NSF: variants seen among roughly 807,000 people sequenced by gnomAD.
NSF encodes vesicle-fusing ATPase.
A neutral mutation model predicts 50.3 loss-of-function variants in NSF; 14 were observed. That is an observed-to-expected ratio of 0.28 (90% CI 0.18 to 0.44). The LOEUF (loss-of-function observed/expected upper bound fraction) is 0.44. Ranked by LOEUF, NSF falls within the 20% of genes least tolerant of loss-of-function variation. The pLI is 1.00. For synonymous variants in NSF, 109 were observed against 175.7 expected (o/e 0.62, Z 3.00); for missense variants, 218 against 504.3 (o/e 0.43, Z 5.44).
chr17:46,687,490 C>T (rs1239199597), intron 9 of NSF, among the ~76,000 whole-genome samples: 2 of 144,826 alleles, frequency 1.4e-5, no homozygotes, highest in Non-Finnish European at 3.1e-5. Context: ...GTCAGTCTTC[C>T]ACCCTACATG....
intron 17 of NSF, among the ~76,000 whole-genome samples, chr17:46,740,897 G>C (rs755629972): frequency 6.6e-6 from 1 of 151,852 alleles, no homozygotes; most frequent in Non-Finnish European, 1.5e-5. Context: ...CCTGACCGTT[G>C]GTGATCTGCC....
chr17:46,690,611 C>CA lies in NSF; in HGVS notation c.946-2278dup, dbSNP rs771047574. Among the ~76,000 whole-genome samples, 470 of 91,802 alleles carry CA rather than the reference C, an allele frequency of 5.1e-3. 11 individuals carry two copies. The East Asian group carries it at 0.07, about 14-fold the overall frequency. The allele number at this position is 91,802 out of a possible 152,430, so 60.2% of individuals were successfully genotyped here. On this transcript the variant is annotated intron_variant, in intron 9 of 20. Coordinates refer to ENST00000398238, the MANE Select transcript of NSF (RefSeq NM_006178.4). Reference sequence around the variant, plus strand: ...TGGGCAACAGAGTGAGACTCCGTCTCAAAAAAAAAAAAAATATATATATAT... The same window carrying CA: ...TGGGCAACAGAGTGAGACTCCGTCTCAAAAAAAAAAAAAAATATATATATAT...
At chr17:46,711,919 A>G (rs199436) in intron 14 of NSF, among the ~76,000 whole-genome samples, 45,857 of 152,080 alleles carry the variant, frequency 0.3, 7,685 homozygotes, top group East Asian at 0.6. Context: ...AAGGGAGATT[A>G]TCCTGACATG....
intron 11 of NSF, 68 bp from the exon 12 acceptor site, chr17:46,694,407 A>G: frequency 9.0e-7 from 1 of 1,113,466 alleles, no homozygotes; most frequent in Non-Finnish European, 1.3e-6. Context: ...TAATAATAAT[A>G]ATGATAATCT....
chr17:46,713,703 G>A (rs2058740670), intron 14 of NSF, 150 bp from the exon 15 acceptor site: 1 of 682,572 alleles, frequency 1.5e-6, no homozygotes. Flanking sequence ...ATAAATAAGA[G>A]AAAACATGTC....
intron 17 of NSF, among the ~76,000 whole-genome samples, chr17:46,741,020 T>C (rs2059065663): frequency 1.3e-5 from 2 of 152,270 alleles, no homozygotes; most frequent in South Asian, 4.1e-4. Flanking sequence ...ATTGCTGATA[T>C]GGGGCTTGTG....
intron 15 of NSF, chr17:46,721,617 C>G (rs2058831422): frequency 6.3e-7 from 1 of 1,584,060 alleles, no homozygotes; most frequent in South Asian, 1.1e-5. Context: ...AAATTAACAT[C>G]CTTGCCCGTG....
At chr17:46,724,821 CT>C (rs1188029534) in intron 15 of NSF, among the ~76,000 whole-genome samples, 1 of 152,048 alleles carries the variant, frequency 6.6e-6, no homozygotes, top group East Asian at 1.9e-4. Context: ...ATCCTTAGGC[CT>C]TTTTTTCTTC....
At chr17:46,738,904 C>A (rs2059036952) in intron 17 of NSF, among the ~76,000 whole-genome samples, 2 of 152,162 alleles carry the variant, frequency 1.3e-5, no homozygotes, top group Non-Finnish European at 2.9e-5. Flanking sequence ...GACTTCTAGA[C>A]CAGCCTGGGC....
At chr17:46,749,223 A>C (rs969724897) in intron 17 of NSF, among the ~76,000 whole-genome samples, 1 of 152,260 alleles carries the variant, frequency 6.6e-6, no homozygotes, top group African/African-American at 2.4e-5. Flanking sequence ...CATAGTTTTT[A>C]AACTTTTTTT....
chr17:46,610,041 C>CTT lies in NSF; in HGVS notation c.13-14202_13-14201insTT, dbSNP rs1555666760. On this transcript the variant is annotated intron_variant, in intron 1 of 20. Transcript: ENST00000398238. ...TCTTTCTTTCTTTCTCTCTCTCTCT[C>CTT]TCTTTCTTTCTTTCTTTCTTTCTTT... is the stretch of plus-strand genomic sequence containing the variant. Among the ~76,000 whole-genome samples, 567 of 118,668 alleles carry CTT rather than the reference C, an allele frequency of 4.8e-3. 46 individuals are homozygous for CTT. Among genetic ancestry groups the CTT allele is most frequent in the Middle Eastern group, 0.029 (6 of 208 alleles). The allele number at this position is 118,668 out of a possible 152,430, so 77.9% of individuals were successfully genotyped here.
intron 17 of NSF, among the ~76,000 whole-genome samples, chr17:46,738,376 A>G (rs2059032265): frequency 6.6e-6 from 1 of 152,234 alleles, no homozygotes; most frequent in South Asian, 2.1e-4. Context: ...ATTTTTTCTA[A>G]ATGACTGAAG....
chr17:46,716,361 A>G (rs1004149171), intron 15 of NSF, among the ~76,000 whole-genome samples: 2 of 150,228 alleles, frequency 1.3e-5, no homozygotes, highest in Non-Finnish European at 3.0e-5. Flanking sequence ...GGTTCATGCC[A>G]TTCTCCTGCC....
At chr17:46,747,786 C>A (rs1040477522) in intron 17 of NSF, among the ~76,000 whole-genome samples, 1 of 152,136 alleles carries the variant, frequency 6.6e-6, no homozygotes, top group East Asian at 1.9e-4. Context: ...CCTAGAGAAT[C>A]AGTATCCAAC....
rs181737771 is a variant in NSF at position 46,716,831 on chromosome 17, T to C, written c.1761+2845T>C. Among the ~76,000 whole-genome samples, 21 of 152,306 alleles carry C rather than the reference T, an allele frequency of 1.4e-4. No homozygotes were observed. In the East Asian group the frequency reaches 3.7e-3, roughly 27 times the overall value. ...ACACATATACCCCCTCCCTTATATA[T>C]TGGGGATTACATTGAAACATACTGA... On this transcript the variant is annotated intron_variant, in intron 15 of 20. Coordinates refer to ENST00000398238, the MANE Select transcript of NSF (RefSeq NM_006178.4).
chr17:46,635,365 AT>A lies in NSF; in HGVS notation c.239-2001del, dbSNP rs199493348. On this transcript the variant is annotated intron_variant, in intron 4 of 20. Coordinates refer to ENST00000398238, the MANE Select transcript of NSF (RefSeq NM_006178.4). ...TTAATGCTTATACCTAGTTAGCAGT[AT>A]TTTTTTTTTCTAGAAGAAACACTTC... is the stretch of plus-strand genomic sequence containing the variant. Among the ~76,000 whole-genome samples, 20 of 85,322 alleles carry A rather than the reference AT, an allele frequency of 2.3e-4. 1 individual carries two copies. The highest frequency in any genetic ancestry group is 9.1e-4 in the East Asian group (4 of 4,390). The allele number at this position is 85,322 out of a possible 152,430, so 56.0% of individuals were successfully genotyped here.
intron 1 of NSF, among the ~76,000 whole-genome samples, chr17:46,595,492 C>CTT (rs1189885490): frequency 4.3e-4 from 41 of 96,056 alleles, no homozygotes; most frequent in Admixed American, 1.5e-3. Flanking sequence ...ATCACTGGAT[C>CTT]TTTTTTTTTT....
intron 18 of NSF, among the ~76,000 whole-genome samples, chr17:46,750,150 C>G (rs535700005): frequency 6.6e-6 from 1 of 152,120 alleles, no homozygotes; most frequent in Non-Finnish European, 1.5e-5. Flanking sequence ...GTCAGGAGTT[C>G]GAGACCAGCC....
chr17:46,756,011 C>T lies in NSF; in HGVS notation c.*188C>T, dbSNP rs920414589. On this transcript the variant is annotated 3_prime_UTR_variant, in exon 21 of 21. Transcript: ENST00000398238. ...TGCATACTGAGATAGCTTAGTGTCT[C>T]GTGGAAGGTGTCAATTTGGTTTAGA... 8 of 574,970 alleles carry T rather than the reference C, an allele frequency of 1.4e-5. No homozygotes were observed. The highest frequency in any genetic ancestry group is 4.9e-5 in the South Asian group (2 of 40,616). 35.6% of individuals were successfully genotyped at this position (574,970 alleles called of 1,614,324 possible). A position where few individuals can be genotyped will look rare whatever the true frequency, so the allele number is the denominator to read the frequency against.
Sources: gnomAD v4.1 joint callset for allele counts (sites outside exome capture counted in the v4.1 genomes callset) on GRCh38, gnomAD v4.1.1 for gene constraint, MANE v1.5 for transcripts, NCBI Gene and HGNC (gene_info 2026-07-23, HGNC 2026-07-21) for gene names.